Variants in GSE1 observed in about 807,000 individuals in gnomAD.
The protein encoded by GSE1 is genetic suppressor element 1.
In GSE1, 32 loss-of-function variants were observed where a neutral mutation model predicts 112.6. The ratio of observed to expected loss-of-function variants is 0.28; its 90% CI spans 0.21 to 0.38. The LOEUF (loss-of-function observed/expected upper bound fraction) is 0.38. GSE1 is among the 10% of genes least tolerant of loss of function. The probability of loss-of-function intolerance (pLI) is 1.00; values close to 1 mark genes in which losing one functional copy is unlikely to be tolerated. For synonymous variants in GSE1, 1,115 were observed against 735.6 expected, an observed-to-expected ratio of 1.52 and a Z score of -8.35; for missense variants, 2,348 against 1,699.2, an observed-to-expected ratio of 1.38 and a Z score of -6.71.
At chr16:85,285,248 A>G (rs369449547) in intron 1 of GSE1, 1 of 152,166 alleles carries the variant, frequency 6.6e-6, no homozygotes, top group African/African-American at 2.4e-5. Context: ...TGCCCCAAAC[A>G]GTCCATTTGG....
chr16:85,422,900 C>G (rs1038363971), intron 2 of GSE1, among the ~76,000 whole-genome samples: 1 of 152,154 alleles, frequency 6.6e-6, no homozygotes, highest in South Asian at 2.1e-4. Flanking sequence ...GGGGCCGCAC[C>G]CCGCTTGCTC....
intron 2 of GSE1, among the ~76,000 whole-genome samples, chr16:85,510,807 A>AGGCCTCATGGCTCC (rs56189209): frequency 0.56 from 85,485 of 151,522 alleles, 24,752 homozygotes; most frequent in East Asian, 0.78. Flanking sequence ...CCTGCCTCAC[A>AGGCCTCATGGCTCC]GGCCTCATGG....
At chr16:85,548,532 G>A (rs1320952250) in intron 2 of GSE1, among the ~76,000 whole-genome samples, 2 of 152,176 alleles carry the variant, frequency 1.3e-5, no homozygotes, top group South Asian at 4.1e-4. Flanking sequence ...TTCATTTAAC[G>A]TAAGAATCTC....
chr16:85,313,452 TC>T (rs758352535), intron 1 of GSE1, among the ~76,000 whole-genome samples: 7 of 152,128 alleles, frequency 4.6e-5, no homozygotes, highest in Non-Finnish European at 8.8e-5. Flanking sequence ...CTCGGCCTCC[TC>T]TCTTGCAGAC....
chr16:85,212,371 A>G (rs1333584220), intron 1 of GSE1, among the ~76,000 whole-genome samples: 1 of 152,156 alleles, frequency 6.6e-6, no homozygotes, highest in Non-Finnish European at 1.5e-5. Context: ...GCGCCACTGC[A>G]CTCCAACCTG....
At chr16:85,392,981 C>T (rs534828577) in intron 2 of GSE1, among the ~76,000 whole-genome samples, 5 of 152,348 alleles carry the variant, frequency 3.3e-5, no homozygotes, top group Admixed American at 6.5e-5. Context: ...TCTTTGGGCT[C>T]GGCCTCCTCC....
intron 1 of GSE1, among the ~76,000 whole-genome samples, chr16:85,318,078 T>C (rs1273619700): frequency 6.6e-6 from 1 of 152,136 alleles, no homozygotes; most frequent in African/African-American, 2.4e-5. Flanking sequence ...GGCCGTCCCA[T>C]GGTGGTGGGG....
intron 2 of GSE1, among the ~76,000 whole-genome samples, chr16:85,530,983 T>C (rs1290371918): frequency 6.6e-6 from 1 of 152,268 alleles, no homozygotes; most frequent in Admixed American, 6.5e-5. Context: ...CACCTTGGGC[T>C]GAACCCCACC....
In GSE1 at chr16:85,672,450, C is replaced by A; in HGVS notation, c.3565C>A (p.Leu1189Ile). 1 of 1,609,786 alleles carries A rather than the reference C, an allele frequency of 6.2e-7. No homozygotes were observed. Among genetic ancestry groups the A allele is most frequent in the Non-Finnish European group, 8.5e-7 (1 of 1,176,414 alleles). ...KQKMVSERER[L>I]QAELDHLRKC... ...GAAGATGGTCTCAGAAAGGGAGCGG[C>A]TCCAGGCAGAACTGGACCACTTACG... Residue 1189 changes from leucine to isoleucine, a missense_variant, in exon 16 of 16, where the codon CTC (leucine) becomes ATC (isoleucine). Physicochemically the swap from Leu to Ile is conservative, Grantham distance 5. Coordinates refer to ENST00000253458, the MANE Select transcript of GSE1 (RefSeq NM_014615.5).
intron 1 of GSE1, among the ~76,000 whole-genome samples, chr16:85,578,765 C>G (rs751658559): frequency 6.6e-6 from 1 of 152,212 alleles, no homozygotes; most frequent in Non-Finnish European, 1.5e-5. Context: ...GGCCTTTGCA[C>G]AGGCTAGTCT....
chr16:85,480,808 A>G (rs915659156), intron 2 of GSE1, among the ~76,000 whole-genome samples: 2 of 152,034 alleles, frequency 1.3e-5, no homozygotes, highest in African/African-American at 4.8e-5. Context: ...CTGACATCCC[A>G]GCGCCTGCTC....
chr16:85,253,823 G>C (rs890623848), intron 1 of GSE1, among the ~76,000 whole-genome samples: 1 of 151,982 alleles, frequency 6.6e-6, no homozygotes, highest in Non-Finnish European at 1.5e-5. Context: ...AGTGAGAACT[G>C]TGTGTGCAAA....
intron 2 of GSE1, among the ~76,000 whole-genome samples, chr16:85,398,257 G>T (rs886584647): frequency 1.3e-5 from 2 of 152,194 alleles, no homozygotes; most frequent in Non-Finnish European, 2.9e-5. Context: ...CGTCTTTGGG[G>T]AAGTGGAGAA....
chr16:85,261,733 G>T (rs1000560299), intron 1 of GSE1, among the ~76,000 whole-genome samples: 4 of 152,204 alleles, frequency 2.6e-5, no homozygotes, highest in Non-Finnish European at 5.9e-5. Flanking sequence ...GTGGATGGCT[G>T]TTCAGGTGCA....
intron 2 of GSE1, among the ~76,000 whole-genome samples, chr16:85,488,435 T>C (rs574203375): frequency 6.6e-6 from 1 of 152,186 alleles, no homozygotes; most frequent in East Asian, 1.9e-4. Flanking sequence ...CCTACGGGGC[T>C]CTCTGCATGG....
At position 85,247,416 on chromosome 16, in the gene GSE1, T is replaced by G. The variant is rs186199024; in HGVS notation, c.2283+75609T>G. ...GGGTCCCTGAGCAGAGGAAGGTGGC[T>G]TGGAGGACTGTACAGGCTCCAGAAG... On this transcript the variant is annotated intron_variant, in intron 1 of 2. Coordinates refer to the GSE1 transcript ENST00000637419. Among the ~76,000 whole-genome samples the G allele has an allele frequency of 1.3e-4, 20 of 152,276 alleles. No homozygotes were observed. In the East Asian group the frequency reaches 3.7e-3, roughly 28 times the overall value.
At chr16:85,493,536 C>A (rs1370576677) in intron 2 of GSE1, among the ~76,000 whole-genome samples, 2 of 151,934 alleles carry the variant, frequency 1.3e-5, no homozygotes, top group East Asian at 3.9e-4. Context: ...GGCGGATCTC[C>A]TGAGGTCGGG....
At chr16:85,633,462 C>T (rs903547392) in intron 1 of GSE1, among the ~76,000 whole-genome samples, 1 of 152,232 alleles carries the variant, frequency 6.6e-6, no homozygotes, top group South Asian at 2.1e-4. Context: ...GTGGCCACAG[C>T]AGTTGTCTTG....
At chr16:85,494,707 A>C (rs1055770005) in intron 2 of GSE1, among the ~76,000 whole-genome samples, 1 of 152,158 alleles carries the variant, frequency 6.6e-6, no homozygotes, top group Non-Finnish European at 1.5e-5. Context: ...CCTGGCCCCA[A>C]ATAAGGTCAC....
Sources: gnomAD v4.1 joint callset for allele counts (sites outside exome capture counted in the v4.1 genomes callset) on GRCh38, gnomAD v4.1.1 for gene constraint, MANE v1.5 for transcripts, NCBI Gene and HGNC (gene_info 2026-07-23, HGNC 2026-07-21) for gene names.